Variants in LPIN1 observed in about 807,000 individuals in gnomAD.
The protein encoded by LPIN1 is phosphatidate phosphatase LPIN1.
LPIN1 carries 71 observed loss-of-function variants against 107.5 expected under a neutral mutation model. That is an observed-to-expected ratio of 0.66 (90% CI 0.55 to 0.80). The LOEUF is 0.80. LPIN1 is among the 30% of genes least tolerant of loss of function. LPIN1 has a pLI of 0.00. For synonymous variants in LPIN1, 445 were observed against 452.6 expected (o/e 0.98, Z 0.21); for missense variants, 1,043 against 1,160.6 (o/e 0.90, Z 1.47).
intron 14 of LPIN1, among the ~76,000 whole-genome samples, chr2:11,796,686 G>T (rs866430443): frequency 6.6e-6 from 1 of 152,166 alleles, no homozygotes; most frequent in Admixed American, 6.5e-5. Flanking sequence ...AGGCACCAGG[G>T]TATCGATATT....
At chr2:11,718,985 T>A (rs1251934122) in intron 2 of LPIN1, among the ~76,000 whole-genome samples, 2 of 152,236 alleles carry the variant, frequency 1.3e-5, no homozygotes, top group Non-Finnish European at 2.9e-5. Context: ...GGTCTGTGAT[T>A]TGGCAGATTT....
chr2:11,826,557 C>G lies in LPIN1; in HGVS notation c.*1766C>G, dbSNP rs1558330949. 1 of 149,840 alleles carries G rather than the reference C, an allele frequency of 6.7e-6. No homozygotes were observed. The highest frequency in any genetic ancestry group is 2.5e-5 in the African/African-American group (1 of 40,588). The allele number at this position is 149,840 out of a possible 1,614,324, so 9.3% of individuals were successfully genotyped here. On this transcript the variant is annotated 3_prime_UTR_variant, in exon 21 of 21. Transcript: ENST00000674199. ...AAAAAAGTCCTGCCTTAACTAACTC[C>G]TCTGCGCTTGTTCACTAGTAACCTA...
At chr2:11,718,189 G>A (rs970202312) in intron 2 of LPIN1, among the ~76,000 whole-genome samples, 6 of 152,076 alleles carry the variant, frequency 3.9e-5, no homozygotes, top group African/African-American at 1.4e-4. Context: ...GCAAAAGCTG[G>A]AGTACATTTC....
In LPIN1 at chr2:11,707,685, G is replaced by T. The variant is rs1663197753; in HGVS notation, c.82-6071G>T. On this transcript the variant is annotated intron_variant, in intron 1 of 21. Transcript: ENST00000449576. The surrounding 1 kb of genome is among the most constrained non-coding windows in gnomAD (Gnocchi z 4.2). ...CTCGGGGTCCCCCACTGGAGGTGGA[G>T]CTGCAGGATTTGCTTGTGACTGGAT... is the stretch of plus-strand genomic sequence containing the variant. Among the ~76,000 whole-genome samples, 1 of 152,186 alleles carries T rather than the reference G, an allele frequency of 6.6e-6. No individual in the cohort carries two copies. Among genetic ancestry groups the T allele is most frequent in the Non-Finnish European group, 1.5e-5 (1 of 68,024 alleles).
intron 20 of LPIN1, among the ~76,000 whole-genome samples, chr2:11,823,685 A>G (rs1355276455): frequency 6.6e-6 from 1 of 152,208 alleles, no homozygotes; most frequent in Non-Finnish European, 1.5e-5. Flanking sequence ...TGGGTGTGCC[A>G]GAATCTCAGT....
chr2:11,799,163 C>T (rs1677245186), intron 14 of LPIN1, among the ~76,000 whole-genome samples: 1 of 152,166 alleles, frequency 6.6e-6, no homozygotes, highest in Non-Finnish European at 1.5e-5. Context: ...CCACCAACAG[C>T]CAACTGCGCA....
At chr2:11,701,492 G>A (rs762377117) in intron 1 of LPIN1, among the ~76,000 whole-genome samples, 1 of 152,086 alleles carries the variant, frequency 6.6e-6, no homozygotes, top group Non-Finnish European at 1.5e-5. Context: ...GCCGGCCCAG[G>A]TGGCACACAC....
In LPIN1 at chr2:11,697,729, T is replaced by C. The variant is rs1662659388; in HGVS notation, c.82-16027T>C. ...TCACACTGAGTCATCCTGTTGGCCTTGCTGGTGTGTGAGTGCTGGCAGAGT... is the reference window on the plus strand; with the variant it reads ...TCACACTGAGTCATCCTGTTGGCCTCGCTGGTGTGTGAGTGCTGGCAGAGT... On this transcript the variant is annotated intron_variant, in intron 1 of 21. Transcript: ENST00000449576. The surrounding 1 kb of genome is among the most constrained non-coding windows in gnomAD (Gnocchi z 4.6). 6.6e-6 allele frequency among the ~76,000 whole-genome samples: 1 copy of C among 152,178 alleles called. No individual in the cohort carries two copies.
At chr2:11,742,413 T>A (rs1222663180), upstream of LPIN1, among the ~76,000 whole-genome samples, 1 of 152,232 alleles carries the variant, frequency 6.6e-6, no homozygotes, top group Admixed American at 6.5e-5. Context: ...TCTGTGTAGC[T>A]GTTTTCTTAG....
chr2:11,810,586 G>T (rs1162274545), intron 17 of LPIN1, among the ~76,000 whole-genome samples: 1 of 152,202 alleles, frequency 6.6e-6, no homozygotes, highest in Non-Finnish European at 1.5e-5. Context: ...TCTCCCCTTA[G>T]GATGGCAGAT....
intron 1 of LPIN1, among the ~76,000 whole-genome samples, chr2:11,690,841 TTC>T (rs780585607): frequency 4.4e-4 from 67 of 152,174 alleles, no homozygotes; most frequent in Non-Finnish European, 8.5e-4. Context: ...TTTGATATGT[TTC>T]TGTTTCATAA....
intron 7 of LPIN1, among the ~76,000 whole-genome samples, chr2:11,779,881 CTT>C (rs545546639): frequency 3.4e-5 from 5 of 145,630 alleles, no homozygotes; most frequent in Admixed American, 6.9e-5. Flanking sequence ...TTAGGATTTA[CTT>C]TTTTTTTTTT....
intron 20 of LPIN1, among the ~76,000 whole-genome samples, chr2:11,822,334 C>T (rs1681679127): frequency 6.7e-6 from 1 of 148,388 alleles, no homozygotes; most frequent in African/African-American, 2.5e-5. Context: ...ACCTGTAATC[C>T]AACTACTTGG....
intron 9 of LPIN1, 148 bp from the exon 10 acceptor site, chr2:11,784,738 G>A: frequency 2.6e-6 from 2 of 783,304 alleles, no homozygotes; most frequent in Non-Finnish European, 4.6e-6. Flanking sequence ...CTCTTTCCTT[G>A]TCGTGGTGCT....
At chr2:11,761,324 C>A (rs62113312) in intron 1 of LPIN1, among the ~76,000 whole-genome samples, 33 of 152,274 alleles carry the variant, frequency 2.2e-4, no homozygotes, top group Non-Finnish European at 4.1e-4. Flanking sequence ...TGAAGTTAAA[C>A]CTGCACCACT....
rs1216694285 is a variant in LPIN1 at position 11,765,162 on chromosome 2, G to A, written c.-9-371G>A. On this transcript the variant is annotated intron_variant, in intron 1 of 20. Transcript: ENST00000674199. The surrounding 1 kb of genome is among the most constrained non-coding windows in gnomAD (Gnocchi z 4.4). ...GGGCCATGATGGACCGTGATGGGCC[G>A]TAACGGGCCGTGATGGACCCTGATG... Among the ~76,000 whole-genome samples the A allele has an allele frequency of 1.3e-5, 2 of 151,422 alleles. No individual in the cohort carries two copies. Among genetic ancestry groups the A allele is most frequent in the Admixed American group, 6.6e-5 (1 of 15,214 alleles).
At chr2:11,806,264 C>CTG (rs1678665919) in intron 17 of LPIN1, among the ~76,000 whole-genome samples, 1 of 152,334 alleles carries the variant, frequency 6.6e-6, no homozygotes, top group African/African-American at 2.4e-5. Flanking sequence ...GATGAATGAA[C>CTG]TGTATTTCCC....
chr2:11,767,892 A>G, intron 3 of LPIN1, 34 bp downstream of exon 3: 1 of 1,333,328 alleles, frequency 7.5e-7, no homozygotes, highest in Non-Finnish European at 1.1e-6. Flanking sequence ...GTTACTTCCT[A>G]GTTTTGAGCT....
At chr2:11,778,800 A>G (rs555082661) in intron 6 of LPIN1, among the ~76,000 whole-genome samples, 1 of 152,286 alleles carries the variant, frequency 6.6e-6, no homozygotes, top group East Asian at 1.9e-4. Flanking sequence ...TGACTTTTGG[A>G]TGGTTACTTT....
Sources: allele counts gnomAD v4.1 joint callset (sites outside exome capture counted in the v4.1 genomes callset), GRCh38; gene constraint gnomAD v4.1.1; non-coding constraint Gnocchi (gnomAD v3.1); transcripts MANE v1.5; gene names NCBI Gene and HGNC (gene_info 2026-07-23, HGNC 2026-07-21).